Variants in FHIT observed in about 807,000 individuals in gnomAD.
FHIT encodes fragile histidine triad diadenosine triphosphatase, also known as bis(5'-adenosyl)-triphosphatase.
Under a neutral mutation model 17.9 loss-of-function variants are expected in FHIT, and 19 were observed. The observed-to-expected ratio is 1.06, with a 90% CI of 0.74 to 1.56. The LOEUF (loss-of-function observed/expected upper bound fraction) is 1.56, where lower values mean the gene tolerates loss of function less well. FHIT is among the 40% of genes most tolerant of loss of function. The pLI is 0.00. For synonymous variants in FHIT, 81 were observed against 69.7 expected, an observed-to-expected ratio of 1.16 and a Z score of -0.81; for missense variants, 248 against 189.2, an observed-to-expected ratio of 1.31 and a Z score of -1.82.
intron 5 of FHIT, among the ~76,000 whole-genome samples, chr3:60,490,176 C>G (rs916117519): frequency 6.6e-6 from 1 of 152,034 alleles, no homozygotes; most frequent in South Asian, 2.1e-4. Context: ...AAGCCACAAA[C>G]ATGGTTTAAT....
At chr3:61,147,158 T>C (rs578148380) in intron 2 of FHIT, among the ~76,000 whole-genome samples, 5 of 152,158 alleles carry the variant, frequency 3.3e-5, no homozygotes, top group Non-Finnish European at 7.4e-5. Context: ...CTGAAGGTTA[T>C]TTAAGGGTAC....
intron 4 of FHIT, among the ~76,000 whole-genome samples, chr3:60,722,144 A>T (rs1553708216): frequency 6.6e-6 from 1 of 152,226 alleles, no homozygotes; most frequent in Non-Finnish European, 1.5e-5. Context: ...ATGAAGGCTG[A>T]TATTTCTATC....
chr3:60,849,915 TTCTTC>T (rs1393959890), intron 3 of FHIT, among the ~76,000 whole-genome samples: 2 of 152,106 alleles, frequency 1.3e-5, no homozygotes, highest in Non-Finnish European at 2.9e-5. Flanking sequence ...CCACTTCTAC[TTCTTC>T]TCTTCTAAGT....
intron 1 of FHIT, among the ~76,000 whole-genome samples, chr3:61,224,615 G>A (rs1025429334): frequency 1.3e-5 from 2 of 152,042 alleles, no homozygotes; most frequent in South Asian, 4.2e-4. Flanking sequence ...TCACCATGTT[G>A]GCCAGGCTGG....
chr3:60,732,910 T>A (rs2042062896), intron 4 of FHIT, among the ~76,000 whole-genome samples: 1 of 152,012 alleles, frequency 6.6e-6, no homozygotes, highest in African/African-American at 2.4e-5. Context: ...GGTCTCAAAC[T>A]CCTGACCTCA....
At chr3:60,359,980 A>ACTTTTTTTTTTTTTT (rs1699836486) in intron 5 of FHIT, among the ~76,000 whole-genome samples, 1 of 131,038 alleles carries the variant, frequency 7.6e-6, no homozygotes, top group Non-Finnish European at 1.7e-5. Flanking sequence ...GACATTCAAG[A>ACTTTTTTTTTTTTTT]CTTTTTTTTT....
chr3:60,862,997 G>A (rs2107012724), intron 3 of FHIT, among the ~76,000 whole-genome samples: 1 of 152,292 alleles, frequency 6.6e-6, no homozygotes, highest in African/African-American at 2.4e-5. Context: ...ATCTGGGTAT[G>A]CCTACCCTAG....
intron 5 of FHIT, among the ~76,000 whole-genome samples, chr3:60,116,380 C>T (rs1013037832): frequency 6.6e-6 from 1 of 152,116 alleles, no homozygotes; most frequent in African/African-American, 2.4e-5. Context: ...TTCTCGATAG[C>T]GGGCATCACC....
chr3:60,656,482 T>C lies in FHIT; in HGVS notation c.-17-119503A>G, dbSNP rs192797832. ...ATGAGGACGCCCGCACCCAAATGAATTGGGGCACCTCTACAGACTCTCCAT... is the reference window on the plus strand; with the variant it reads ...ATGAGGACGCCCGCACCCAAATGAACTGGGGCACCTCTACAGACTCTCCAT... On this transcript the variant is annotated intron_variant, in intron 4 of 9. Transcript: ENST00000492590. Among the ~76,000 whole-genome samples, 189 of 152,112 alleles carry C rather than the reference T, an allele frequency of 1.2e-3. 1 individual carries two copies. The highest frequency in any genetic ancestry group is 4.4e-3 in the African/African-American group (184 of 41,426).
chr3:60,384,305 G>T (rs1177081908), intron 5 of FHIT, among the ~76,000 whole-genome samples: 1 of 151,256 alleles, frequency 6.6e-6, no homozygotes, highest in Non-Finnish European at 1.5e-5. Flanking sequence ...TTTTAATAGA[G>T]ACTATTACTA....
chr3:60,349,491 G>A (rs1245875541), intron 5 of FHIT, among the ~76,000 whole-genome samples: 1 of 152,130 alleles, frequency 6.6e-6, no homozygotes, highest in African/African-American at 2.4e-5. Flanking sequence ...GTAATAATCA[G>A]ACCAATCCCT....
intron 8 of FHIT, among the ~76,000 whole-genome samples, chr3:59,897,002 C>A (rs1475679003): frequency 6.6e-6 from 1 of 152,144 alleles, no homozygotes; most frequent in Non-Finnish European, 1.5e-5. Flanking sequence ...CTGTGACAAA[C>A]CATGCTGAAT....
intron 5 of FHIT, among the ~76,000 whole-genome samples, chr3:60,448,966 A>C (rs1241406076): frequency 1.3e-5 from 2 of 152,118 alleles, no homozygotes; most frequent in African/African-American, 4.8e-5. Context: ...CCTCCAAGTA[A>C]TTCGGTAGGT....
At chr3:60,059,767 C>CAT (rs1253963638) in intron 5 of FHIT, among the ~76,000 whole-genome samples, 3 of 152,112 alleles carry the variant, frequency 2.0e-5, no homozygotes, top group Non-Finnish European at 4.4e-5. Context: ...ATGAGGGCTG[C>CAT]CTAGAGCTCC....
chr3:60,903,407 A>G (rs1706223418), intron 3 of FHIT, among the ~76,000 whole-genome samples: 1 of 152,250 alleles, frequency 6.6e-6, no homozygotes, highest in Admixed American at 6.5e-5. Context: ...GGCTTAGAGA[A>G]CATAAAATAC....
At chr3:60,345,852 A>G (rs548202268) in intron 5 of FHIT, among the ~76,000 whole-genome samples, 27 of 147,300 alleles carry the variant, frequency 1.8e-4, no homozygotes, top group Non-Finnish European at 4.0e-4. Context: ...TTTCACAGTT[A>G]CTAACATATT....
chr3:61,214,110 A>G (rs1410579737), intron 1 of FHIT, among the ~76,000 whole-genome samples: 2 of 152,230 alleles, frequency 1.3e-5, no homozygotes, highest in African/African-American at 4.8e-5. Flanking sequence ...GAAAAGCAAG[A>G]GCAAACGCAT....
chr3:60,276,482 T>C (rs924649093), intron 5 of FHIT, among the ~76,000 whole-genome samples: 2 of 152,156 alleles, frequency 1.3e-5, no homozygotes, highest in Non-Finnish European at 2.9e-5. Flanking sequence ...GTCTATAAAA[T>C]ATAAACCTGG....
At chr3:59,921,747 C>T (rs998869961) in intron 8 of FHIT, among the ~76,000 whole-genome samples, 10 of 152,216 alleles carry the variant, frequency 6.6e-5, no homozygotes, top group African/African-American at 1.9e-4. Context: ...GGGCTTTAGG[C>T]GCAGATCACC....
Sources: allele counts gnomAD v4.1 joint callset (sites outside exome capture counted in the v4.1 genomes callset), GRCh38; gene constraint gnomAD v4.1.1; transcripts MANE v1.5; gene names NCBI Gene and HGNC (gene_info 2026-07-23, HGNC 2026-07-21).